MCPH1: variants seen among roughly 807,000 people sequenced by gnomAD.
MCPH1 encodes the protein microcephalin 1.
Under a neutral mutation model 84.5 loss-of-function variants are expected in MCPH1, and 104 were observed. The ratio of observed to expected loss-of-function variants is 1.23; its 90% CI spans 1.05 to 1.45. MCPH1 has a LOEUF of 1.45. Among genes scored for constraint, MCPH1 ranks in the 40% most tolerant of loss-of-function variants. The pLI is 0.00. For synonymous variants in MCPH1, 514 were observed against 366.8 expected (o/e 1.40, Z -4.58); for missense variants, 1,498 against 1,005.7 (o/e 1.49, Z -6.62).
chr8:6,431,371 T>G (rs1801808312), intron 3 of MCPH1, 128 bp from the exon 4 acceptor site: 2 of 713,548 alleles, frequency 2.8e-6, no homozygotes, highest in Admixed American at 2.5e-5. Flanking sequence ...TGTATTTATT[T>G]TTTAAAAGTC....
intron 12 of MCPH1, among the ~76,000 whole-genome samples, chr8:6,503,504 G>T (rs961184463): frequency 6.6e-6 from 1 of 152,128 alleles, no homozygotes; most frequent in African/African-American, 2.4e-5. Context: ...CCCTTGTGCT[G>T]TGTGGAGAGG....
At chr8:6,587,659 C>G (rs1294306320) in intron 12 of MCPH1, among the ~76,000 whole-genome samples, 1 of 152,144 alleles carries the variant, frequency 6.6e-6, no homozygotes, top group African/African-American at 2.4e-5. Flanking sequence ...TTATTGTGGT[C>G]TCAAAAAGTT....
chr8:6,560,953 A>G (rs1222846154), intron 12 of MCPH1, among the ~76,000 whole-genome samples: 1 of 152,246 alleles, frequency 6.6e-6, no homozygotes, highest in African/African-American at 2.4e-5. Flanking sequence ...CCTGTCGGGC[A>G]GATTAGAATA....
Position 6,525,674 on chromosome 8 carries a change from A to G in MCPH1, c.2214+25745A>G, listed in dbSNP as rs539100982. On this transcript the variant is annotated intron_variant, in intron 12 of 13. Coordinates refer to ENST00000344683, the MANE Select transcript of MCPH1 (RefSeq NM_024596.5). ...TAAAATCATAGGCCAGTCAGAATTA[A>G]GGTAGAAAACACAGCATGCAGAACT... Among the ~76,000 whole-genome samples, 989 of 152,374 alleles carry G rather than the reference A, an allele frequency of 6.5e-3. 8 individuals are homozygous for G. Among genetic ancestry groups the G allele is most frequent in the African/African-American group, 0.023 (952 of 41,588 alleles).
chr8:6,446,848 G>C, intron 8 of MCPH1: 1 of 985,314 alleles, frequency 1.0e-6, no homozygotes. Flanking sequence ...CTAGTCCTCG[G>C]AAGCAGGTGT....
At chr8:6,641,640 A>G (rs889139023) in intron 13 of MCPH1, among the ~76,000 whole-genome samples, 22 of 152,208 alleles carry the variant, frequency 1.4e-4, no homozygotes, top group African/African-American at 4.8e-4. Context: ...GCTACCTGGG[A>G]AGCTGAGTCT....
intron 12 of MCPH1, among the ~76,000 whole-genome samples, chr8:6,552,886 A>G (rs1158520936): frequency 6.6e-6 from 1 of 152,028 alleles, no homozygotes; most frequent in Non-Finnish European, 1.5e-5. Flanking sequence ...TATGATTCCA[A>G]CTGTATGACA....
intron 10 of MCPH1, among the ~76,000 whole-genome samples, chr8:6,479,686 T>A (rs1454293044): frequency 6.6e-6 from 1 of 152,110 alleles, no homozygotes; most frequent in Non-Finnish European, 1.5e-5. Context: ...CCATTGGGGA[T>A]TTTTTAAATT....
chr8:6,460,983 C>T (rs1806214941), intron 9 of MCPH1, among the ~76,000 whole-genome samples: 1 of 152,162 alleles, frequency 6.6e-6, no homozygotes, highest in South Asian at 2.1e-4. Context: ...ATTTTAACGG[C>T]CACTTAACTT....
chr8:6,605,749 G>A (rs1432692335), intron 12 of MCPH1, among the ~76,000 whole-genome samples: 3 of 152,142 alleles, frequency 2.0e-5, no homozygotes, highest in Admixed American at 6.5e-5. Flanking sequence ...CCAGGCTGGA[G>A]TGCAGTGGCA....
chr8:6,479,111 C>T (rs560700014), intron 10 of MCPH1, among the ~76,000 whole-genome samples: 1 of 151,992 alleles, frequency 6.6e-6, no homozygotes. Flanking sequence ...CAAAAAAATG[C>T]AAAAGTTAGC....
chr8:6,519,957 G>A (rs1817002351), intron 12 of MCPH1: 2 of 1,613,988 alleles, frequency 1.2e-6, no homozygotes, highest in African/African-American at 2.7e-5. Context: ...CTCTGAAGCT[G>A]ATTTGTTCTT....
At chr8:6,532,639 T>A in intron 12 of MCPH1, 1 of 645,902 alleles carries the variant, frequency 1.5e-6, no homozygotes, top group Non-Finnish European at 2.4e-6. Flanking sequence ...ATCTTACTAT[T>A]TTTTTTTATC....
chr8:6,490,317 G>C (rs765101433), intron 11 of MCPH1, among the ~76,000 whole-genome samples: 9 of 152,130 alleles, frequency 5.9e-5, no homozygotes, highest in Non-Finnish European at 1.3e-4. Context: ...ACCATGGTTT[G>C]GTTTTATCTG....
In MCPH1 at chr8:6,519,836, A is replaced by T. The variant is rs753383272; in HGVS notation, c.2214+19907A>T. The T allele has an allele frequency of 3.2e-5, 52 of 1,610,772 alleles. No individual in the cohort carries two copies. The South Asian group carries it at 5.1e-4, about 16-fold the overall frequency. On this transcript the variant is annotated intron_variant, in intron 12 of 13. Transcript: ENST00000344683. ...TAAAGTGGCCTGCCTAGAGCCAGGGAGTTAGTAAGGGGAGACGAATACCTC... is the reference window on the plus strand; with the variant it reads ...TAAAGTGGCCTGCCTAGAGCCAGGGTGTTAGTAAGGGGAGACGAATACCTC...
chr8:6,623,006 TTAC>T (rs1831625307), intron 13 of MCPH1, among the ~76,000 whole-genome samples: 2 of 92,386 alleles, frequency 2.2e-5, no homozygotes, highest in Admixed American at 1.2e-4. Flanking sequence ...ATGCCCAGCT[TTAC>T]TTTCTTTTTT....
intron 12 of MCPH1, chr8:6,520,096 T>C: frequency 7.4e-7 from 1 of 1,342,406 alleles, no homozygotes; most frequent in Non-Finnish European, 1.0e-6. Flanking sequence ...TTTGGAATTC[T>C]TAAGTAAGCA....
chr8:6,538,358 C>A (rs563280210), intron 12 of MCPH1, among the ~76,000 whole-genome samples: 1 of 152,220 alleles, frequency 6.6e-6, no homozygotes, highest in Non-Finnish European at 1.5e-5. Context: ...TTGCTGGCCA[C>A]GCATCCCCCA....
chr8:6,513,832 G>A (rs776258713), intron 12 of MCPH1: 2 of 1,605,378 alleles, frequency 1.2e-6, no homozygotes, highest in Admixed American at 1.7e-5. Flanking sequence ...TCTCCTGAAG[G>A]GTTACCAAAT....
Sources: allele counts gnomAD v4.1 joint callset (sites outside exome capture counted in the v4.1 genomes callset), GRCh38; gene constraint gnomAD v4.1.1; transcripts MANE v1.5; gene names NCBI Gene and HGNC (gene_info 2026-07-23, HGNC 2026-07-21).